RBM20: variants seen among roughly 807,000 people sequenced by gnomAD.
The protein encoded by RBM20 is RNA-binding protein 20.
In RBM20, 51 loss-of-function variants were observed where a neutral mutation model predicts 110.1. The observed-to-expected ratio is 0.46, with a 90% CI of 0.37 to 0.59. RBM20 has a LOEUF of 0.59. Among genes scored for constraint, RBM20 ranks in the 20% least tolerant of loss-of-function variants. The pLI, the probability that RBM20 is intolerant of heterozygous loss-of-function variation, is 0.00. For missense variants in RBM20, 1,512 were observed against 1,574.9 expected (o/e 0.96, Z 0.68); for synonymous variants, 589 against 618.2 (o/e 0.95, Z 0.70).
intron 1 of RBM20, among the ~76,000 whole-genome samples, chr10:110,758,698 C>A (rs1843954270): frequency 1.3e-5 from 2 of 152,096 alleles, no homozygotes. Flanking sequence ...GGCTGTTGAG[C>A]CCTTGAAATG....
At chr10:110,670,848 T>G (rs568041209) in intron 1 of RBM20, among the ~76,000 whole-genome samples, 1 of 152,354 alleles carries the variant, frequency 6.6e-6, no homozygotes, top group Non-Finnish European at 1.5e-5. Flanking sequence ...TTTGTCAGAT[T>G]GTTATTTTTC....
rs77946204 is a variant in RBM20 at position 110,720,043 on chromosome 10, G to A, written c.192-60758G>A. ...CCTATGGCAAGAGGGGTGAAGGAGC[G>A]CCCTGGCGGTGATCTTTTTTATAAG... On this transcript the variant is annotated intron_variant, in intron 1 of 13. Transcript: ENST00000369519. Among the ~76,000 whole-genome samples the A allele has an allele frequency of 3.6e-3, 545 of 152,104 alleles. 3 individuals are homozygous for A. Among genetic ancestry groups the A allele is most frequent in the African/African-American group, 0.012 (503 of 41,488 alleles).
chr10:110,758,422 G>T (rs1035530631), intron 1 of RBM20, among the ~76,000 whole-genome samples: 2 of 152,144 alleles, frequency 1.3e-5, no homozygotes, highest in Non-Finnish European at 2.9e-5. Flanking sequence ...TAAGGGAGGA[G>T]GTCAGAGAGT....
intron 1 of RBM20, among the ~76,000 whole-genome samples, chr10:110,769,472 C>T (rs1362584296): frequency 6.6e-6 from 1 of 152,134 alleles, no homozygotes; most frequent in Non-Finnish European, 1.5e-5. Flanking sequence ...GCCAGTCACT[C>T]AACCATCTAT....
chr10:110,836,131 G>A lies in RBM20; in HGVS notation c.*153G>A. 9.8e-6 allele frequency: 5 copies of A among 511,548 alleles called. No individual in the cohort carries two copies. Among genetic ancestry groups the A allele is most frequent in the Non-Finnish European group, 1.7e-5 (5 of 289,566 alleles). 31.7% of individuals were successfully genotyped at this position (511,548 alleles called of 1,614,324 possible). On this transcript the variant is annotated 3_prime_UTR_variant, in exon 14 of 14. Coordinates refer to ENST00000369519, the MANE Select transcript of RBM20 (RefSeq NM_001134363.3). ...GCTTGGGCTTGTTCCCAGAGACTCAGTGAAATGCCCCTGATATGTCTCCAG... is the reference window on the plus strand; with the variant it reads ...GCTTGGGCTTGTTCCCAGAGACTCAATGAAATGCCCCTGATATGTCTCCAG...
chr10:110,718,120 G>T (rs1009616166), intron 1 of RBM20, among the ~76,000 whole-genome samples: 1 of 152,144 alleles, frequency 6.6e-6, no homozygotes, highest in Non-Finnish European at 1.5e-5. Flanking sequence ...CATGCAGTGG[G>T]CCTGGAGTCA....
rs1251592783 is a variant in RBM20, at chr10:110,812,379, C to G, written c.1982C>G (p.Pro661Arg). ...ACCTCCTGCAGCTCTTCCCACAGCC[C>G]TCCGGGCCCCTCCCGGGCTGACTGG... ...SFTSCSSSHS[P>R]PGPSRADWGN... Residue 661 changes from proline to arginine, a missense_variant, in exon 9 of 14, where the codon CCT (proline) becomes CGT (arginine). By Grantham distance (103) the Pro-to-Arg change is moderately radical. Transcript: ENST00000369519. 14 of 1,551,536 alleles carry G rather than the reference C, an allele frequency of 9.0e-6. No individual in the cohort carries two copies. The highest frequency in any genetic ancestry group is 1.2e-5 in the Non-Finnish European group (14 of 1,147,014).
At chr10:110,814,618 C>T (rs146212870) in intron 9 of RBM20, among the ~76,000 whole-genome samples, 185 of 152,222 alleles carry the variant, frequency 1.2e-3, no homozygotes, top group African/African-American at 4.0e-3. Context: ...GCCTCAGCCT[C>T]CTTAGTATTT....
At position 110,644,685 on chromosome 10, in the gene RBM20, G is replaced by A; in HGVS notation, c.191+40G>A. The A allele has an allele frequency of 7.2e-7, 1 of 1,390,808 alleles. No individual in the cohort carries two copies. The highest frequency in any genetic ancestry group is 9.5e-7 in the Non-Finnish European group (1 of 1,058,030). The allele number at this position is 1,390,808 out of a possible 1,614,324, so 86.2% of individuals were successfully genotyped here. A position where few individuals can be genotyped will look rare whatever the true frequency, so the allele number is the denominator to read the frequency against. ...GGGAACAGGGACCACGGGTGCGCCT[G>A]GGGACACGCCCCGAGAGCCCCCTTT... On this transcript the variant is annotated intron_variant, in intron 1 of 13. Transcript: ENST00000369519. The surrounding 1 kb of genome is among the most constrained non-coding windows in gnomAD (Gnocchi z 4.3).
intron 1 of RBM20, among the ~76,000 whole-genome samples, chr10:110,759,278 A>G (rs1053239396): frequency 6.6e-6 from 1 of 151,120 alleles, no homozygotes; most frequent in Non-Finnish European, 1.5e-5. Flanking sequence ...TCCACATACA[A>G]CTCCTCCATC....
At chr10:110,730,108 G>A (rs533522318) in intron 1 of RBM20, among the ~76,000 whole-genome samples, 14 of 152,272 alleles carry the variant, frequency 9.2e-5, no homozygotes, top group Non-Finnish European at 1.6e-4. Flanking sequence ...GTGAGCCACC[G>A]TGCTTGGCCC....
intron 7 of RBM20, among the ~76,000 whole-genome samples, chr10:110,805,849 G>A (rs956457197): frequency 3.9e-5 from 6 of 152,184 alleles, no homozygotes; most frequent in African/African-American, 9.7e-5. Flanking sequence ...GCTGTTGAGC[G>A]GAATCATTGT....
At chr10:110,722,959 T>C (rs1843524852) in intron 1 of RBM20, among the ~76,000 whole-genome samples, 1 of 151,944 alleles carries the variant, frequency 6.6e-6, no homozygotes, top group South Asian at 2.1e-4. Flanking sequence ...TAAAAATATA[T>C]AAATTAGCCG....
chr10:110,797,524 G>C lies in RBM20; in HGVS notation c.1544G>C (p.Gly515Ala). The C allele has an allele frequency of 6.4e-7, 1 of 1,551,364 alleles. No individual in the cohort carries two copies. The highest frequency in any genetic ancestry group is 1.7e-4 in the Middle Eastern group (1 of 5,938). Residue 515 changes from glycine (G) to alanine (A), a missense_variant, in exon 6 of 14, where the codon GGG (glycine) becomes GCG (alanine). This residue lies in a region of RBM20 where 1,149 missense variants were observed against 1,169.4 expected (regional missense o/e 0.98). Transcript: ENST00000369519. ...SVGTTFAQRKGAGRVVHICNL... is the reference protein window; with the variant it reads ...SVGTTFAQRKAAGRVVHICNL... ...TCCCATTAGTTTGCACAGCGGAAAGGGGCTGGCCGTGTGGTGCACATCTGC... is the reference window on the plus strand; with the variant it reads ...TCCCATTAGTTTGCACAGCGGAAAGCGGCTGGCCGTGTGGTGCACATCTGC...
In RBM20 at chr10:110,706,666, G is replaced by C. The variant is rs11195277; in HGVS notation, c.191+62021G>C. On this transcript the variant is annotated intron_variant, in intron 1 of 13. Coordinates refer to ENST00000369519, the MANE Select transcript of RBM20 (RefSeq NM_001134363.3). The stretch of plus-strand genomic sequence containing the variant: ...AAATTTCAGGACGGAGTGGTGGGCT[G>C]TCTGTCTGGAGGGTGAACCTCAAAA... 6.0e-3 allele frequency among the ~76,000 whole-genome samples: 907 copies of C among 152,314 alleles called. 9 individuals carry two copies. Among genetic ancestry groups the C allele is most frequent in the African/African-American group, 0.021 (853 of 41,566 alleles).
chr10:110,786,200 GCATTTGTCTGAAC>G (rs1187100829), intron 5 of RBM20, among the ~76,000 whole-genome samples: 2 of 152,204 alleles, frequency 1.3e-5, no homozygotes, highest in Non-Finnish European at 2.9e-5. Flanking sequence ...TAAAACAAAT[GCATTTGTCTGAAC>G]CCTGCTGGAG....
chr10:110,708,361 G>GT (rs922674135), intron 1 of RBM20, among the ~76,000 whole-genome samples: 4 of 152,108 alleles, frequency 2.6e-5, no homozygotes, highest in African/African-American at 7.2e-5. Flanking sequence ...TTATCAGATT[G>GT]TTTTTTTCTG....
chr10:110,712,016 AT>A (rs1862937898), intron 1 of RBM20, among the ~76,000 whole-genome samples: 1 of 152,242 alleles, frequency 6.6e-6, no homozygotes, highest in Non-Finnish European at 1.5e-5. Flanking sequence ...AGTAATGGTA[AT>A]TTCTTATTAG....
intron 1 of RBM20, among the ~76,000 whole-genome samples, chr10:110,758,053 C>G (rs1336405644): frequency 6.4e-5 from 7 of 110,160 alleles, no homozygotes; most frequent in Non-Finnish European, 1.1e-4. Context: ...CAGGGCTCAC[C>G]TGTCATCCAG....
Sources: allele counts gnomAD v4.1 joint callset (sites outside exome capture counted in the v4.1 genomes callset), GRCh38; gene constraint gnomAD v4.1.1; regional missense constraint gnomAD v4.1.1; non-coding constraint Gnocchi (gnomAD v3.1); transcripts MANE v1.5; gene names NCBI Gene and HGNC (gene_info 2026-07-23, HGNC 2026-07-21).